Variants in SNCAIP observed in about 807,000 individuals in gnomAD.
SNCAIP encodes the protein synphilin-1.
In SNCAIP, 43 loss-of-function variants were observed where a neutral mutation model predicts 86.7. That is an observed-to-expected ratio of 0.50 (90% CI 0.39 to 0.64). SNCAIP has a LOEUF of 0.64. SNCAIP is among the 30% of genes least tolerant of loss of function. SNCAIP has a pLI of 0.00. For missense variants in SNCAIP, 981 were observed against 1,103.1 expected (o/e 0.89, Z 1.57); for synonymous variants, 417 against 427.2 (o/e 0.98, Z 0.29).
At chr5:122,450,431 T>C (rs1581384395) in intron 9 of SNCAIP, 102 bp from the exon 10 acceptor site, 6 of 842,362 alleles carry the variant, frequency 7.1e-6, no homozygotes, top group East Asian at 4.8e-5. Flanking sequence ...ATTCTGTTCT[T>C]ATTTACTTAT....
chr5:122,326,101 A>C (rs983281890), intron 1 of SNCAIP, among the ~76,000 whole-genome samples: 1 of 152,214 alleles, frequency 6.6e-6, no homozygotes, highest in Non-Finnish European at 1.5e-5. Context: ...AGCATCTTCA[A>C]CTTAATTACT....
intron 10 of SNCAIP, among the ~76,000 whole-genome samples, chr5:122,451,982 G>A (rs1219720283): frequency 6.6e-6 from 1 of 152,198 alleles, no homozygotes; most frequent in African/African-American, 2.4e-5. Context: ...CCAAGGAAGA[G>A]TTTGTTCTCT....
chr5:122,365,895 G>C (rs1200324613), intron 1 of SNCAIP, among the ~76,000 whole-genome samples: 2 of 152,112 alleles, frequency 1.3e-5, no homozygotes, highest in Non-Finnish European at 2.9e-5. Context: ...AGCGTCATTT[G>C]CTGGGGAATT....
At chr5:122,452,463 T>A (rs997752922) in intron 10 of SNCAIP, among the ~76,000 whole-genome samples, 2 of 152,216 alleles carry the variant, frequency 1.3e-5, no homozygotes, top group African/African-American at 4.8e-5. Context: ...TAATTTATCA[T>A]TAGCTATAAT....
chr5:122,314,027 C>T (rs1048344857), intron 1 of SNCAIP, among the ~76,000 whole-genome samples: 7 of 152,206 alleles, frequency 4.6e-5, no homozygotes, highest in Non-Finnish European at 8.8e-5. Context: ...AATGATGCTG[C>T]ATTCATGAAT....
rs1320343167 is a variant in SNCAIP at position 122,423,331 on chromosome 5, G to A, written c.594G>A (p.Glu198=). Residue 198 remains glutamate, a synonymous_variant, in exon 4 of 11, where the codon GAG becomes GAA. Transcript: ENST00000261368. The part of the protein sequence containing the change: ...SGKACSTGSS[E]SSSSNMAPFC... ...AAGCCTGCTCTACAGGAAGTTCTGA[G>A]AGCTCATCATCCAACATGGCACCAT... is the stretch of plus-strand genomic sequence containing the variant. The A allele has an allele frequency of 6.2e-7, 1 of 1,614,142 alleles. No homozygotes were observed. The highest frequency in any genetic ancestry group is 1.3e-5 in the African/African-American group (1 of 75,022).
chr5:122,358,738 G>T (rs1761618470), intron 1 of SNCAIP, among the ~76,000 whole-genome samples: 1 of 152,052 alleles, frequency 6.6e-6, no homozygotes, highest in Non-Finnish European at 1.5e-5. Flanking sequence ...TCTTGACAGT[G>T]TCTGAACTTG....
At chr5:122,387,496 A>G (rs1768429022) in intron 1 of SNCAIP, among the ~76,000 whole-genome samples, 1 of 152,196 alleles carries the variant, frequency 6.6e-6, no homozygotes, top group Admixed American at 6.5e-5. Flanking sequence ...TGGAAAGCGT[A>G]AAAAATGTAT....
intron 1 of SNCAIP, among the ~76,000 whole-genome samples, chr5:122,327,203 C>CAGTTGTGTTG (rs1283481037): frequency 6.6e-6 from 1 of 152,022 alleles, no homozygotes; most frequent in Non-Finnish European, 1.5e-5. Flanking sequence ...TTCACCACAT[C>CAGTTGTGTTG]AGTTGTGTTG....
At chr5:122,334,771 C>T (rs1580455697) in intron 1 of SNCAIP, among the ~76,000 whole-genome samples, 1 of 152,052 alleles carries the variant, frequency 6.6e-6, no homozygotes, top group African/African-American at 2.4e-5. Flanking sequence ...TTGCAGTAGA[C>T]CTAAGCTAAA....
chr5:122,433,403 C>T (rs1342983433), intron 6 of SNCAIP, among the ~76,000 whole-genome samples: 2 of 152,136 alleles, frequency 1.3e-5, no homozygotes, highest in Non-Finnish European at 1.5e-5. Flanking sequence ...CTCAGATTCT[C>T]TCACTTCAGG....
At chr5:122,377,906 A>G (rs1239141136) in intron 1 of SNCAIP, among the ~76,000 whole-genome samples, 1 of 151,888 alleles carries the variant, frequency 6.6e-6, no homozygotes, top group Non-Finnish European at 1.5e-5. Context: ...TCCATGGTGT[A>G]TATGTGCCAC....
intron 6 of SNCAIP, among the ~76,000 whole-genome samples, chr5:122,432,984 C>T (rs1178510483): frequency 6.6e-6 from 1 of 152,046 alleles, no homozygotes; most frequent in Non-Finnish European, 1.5e-5. Context: ...GCGTTGTCAA[C>T]AAGAGATTAT....
At chr5:122,377,494 CAGAG>C (rs3031391) in intron 1 of SNCAIP, among the ~76,000 whole-genome samples, 7,203 of 149,180 alleles carry the variant, frequency 0.048, 189 homozygotes, top group African/African-American at 0.056. Context: ...GGGAGACAGA[CAGAG>C]AGAGAGAGAG....
intron 1 of SNCAIP, among the ~76,000 whole-genome samples, chr5:122,376,131 C>T (rs1390573772): frequency 6.6e-6 from 1 of 152,084 alleles, no homozygotes; most frequent in African/African-American, 2.4e-5. Context: ...GAGTGACTCT[C>T]GTGCACTCTA....
chr5:122,354,734 A>G (rs747005043), intron 1 of SNCAIP, among the ~76,000 whole-genome samples: 2 of 152,216 alleles, frequency 1.3e-5, no homozygotes, highest in Non-Finnish European at 2.9e-5. Flanking sequence ...AATCAAAAGC[A>G]GTAAATGAAA....
intron 1 of SNCAIP, among the ~76,000 whole-genome samples, chr5:122,338,246 G>A (rs528825374): frequency 1.3e-5 from 2 of 152,242 alleles, no homozygotes; most frequent in South Asian, 4.1e-4. Flanking sequence ...AAATTATTTA[G>A]CATTTTAGTA....
At chr5:122,311,430 T>C (rs1466907656), upstream of SNCAIP, 1 of 152,392 alleles carries the variant, frequency 6.6e-6, no homozygotes, top group Admixed American at 6.5e-5. Context: ...GTGGGCGAGC[T>C]TCGGGGGGAG....
At chr5:122,410,147 A>T (rs972354419) in intron 3 of SNCAIP, among the ~76,000 whole-genome samples, 2 of 152,236 alleles carry the variant, frequency 1.3e-5, no homozygotes. Flanking sequence ...TTAACAAAAT[A>T]TAATTATAAA....
Sources: allele counts gnomAD v4.1 joint callset (sites outside exome capture counted in the v4.1 genomes callset), GRCh38; gene constraint gnomAD v4.1.1; transcripts MANE v1.5; gene names NCBI Gene and HGNC (gene_info 2026-07-23, HGNC 2026-07-21).